SYT17: variants seen among roughly 807,000 people sequenced by gnomAD.
SYT17 encodes synaptotagmin 17.
In SYT17, 22 loss-of-function variants were observed where a neutral mutation model predicts 46.7. The observed-to-expected ratio is 0.47, with a 90% CI of 0.34 to 0.67. The LOEUF (loss-of-function observed/expected upper bound fraction) is 0.67. Ranked by LOEUF, SYT17 falls within the 30% of genes least tolerant of loss-of-function variation. SYT17 has a pLI of 0.01. For missense variants in SYT17, 519 were observed against 612.8 expected, an observed-to-expected ratio of 0.85 and a Z score of 1.62; for synonymous variants, 251 against 248.4, an observed-to-expected ratio of 1.01 and a Z score of -0.10.
At chr16:19,255,822 C>G (rs9924031) in intron 7 of SYT17, among the ~76,000 whole-genome samples, 108,262 of 152,082 alleles carry the variant, frequency 0.71, 39,659 homozygotes, top group East Asian at 0.99. Context: ...CTGCAGACCA[C>G]GACAAAGAGG....
chr16:19,204,976 C>G (rs943405050), intron 5 of SYT17, among the ~76,000 whole-genome samples: 1 of 152,148 alleles, frequency 6.6e-6, no homozygotes. Context: ...GCAAATCAGG[C>G]CAGCCCCATC....
chr16:19,171,851 A>G (rs1262758408), intron 1 of SYT17: 1 of 152,184 alleles, frequency 6.6e-6, no homozygotes, highest in African/African-American at 2.4e-5. Context: ...GACAAGATCT[A>G]CTTTCTTTGT....
intron 7 of SYT17, among the ~76,000 whole-genome samples, chr16:19,241,333 T>C (rs537778389): frequency 2.6e-5 from 4 of 151,208 alleles, no homozygotes; most frequent in African/African-American, 9.7e-5. Flanking sequence ...GGGTGGGGGA[T>C]TGGGGCTGGG....
intron 7 of SYT17, among the ~76,000 whole-genome samples, chr16:19,242,842 G>A (rs904717954): frequency 3.3e-5 from 5 of 152,090 alleles, no homozygotes; most frequent in African/African-American, 1.2e-4. Flanking sequence ...GATGGTGAGT[G>A]TTTATTGAAC....
chr16:19,171,873 G>C (rs1462900919), intron 1 of SYT17: 1 of 152,164 alleles, frequency 6.6e-6, no homozygotes, highest in Non-Finnish European at 1.5e-5. Flanking sequence ...TAAAAGAAAG[G>C]GGATGGGGGA....
At chr16:19,192,424 GA>G (rs1418479566) in intron 5 of SYT17, among the ~76,000 whole-genome samples, 3 of 150,080 alleles carry the variant, frequency 2.0e-5, no homozygotes, top group East Asian at 2.0e-4. Flanking sequence ...CTGTCTCATA[GA>G]AAAAAAAAGA....
chr16:19,264,680 TC>T (rs1969241494), intron 7 of SYT17, among the ~76,000 whole-genome samples: 1 of 151,624 alleles, frequency 6.6e-6, no homozygotes, highest in South Asian at 2.1e-4. Flanking sequence ...AGCCTTGACT[TC>T]CCTGGACTCA....
chr16:19,235,167 G>C (rs1474270277), intron 7 of SYT17, among the ~76,000 whole-genome samples: 1 of 152,162 alleles, frequency 6.6e-6, no homozygotes, highest in Non-Finnish European at 1.5e-5. Context: ...GCTACAGTAT[G>C]GGGAGTATTA....
At chr16:19,175,679 G>C (rs1964288802) in intron 3 of SYT17, among the ~76,000 whole-genome samples, 2 of 150,896 alleles carry the variant, frequency 1.3e-5, no homozygotes, top group Non-Finnish European at 3.0e-5. Flanking sequence ...GATTCTACTG[G>C]TCTATGTAGC....
chr16:19,181,581 G>T (rs933853420), intron 4 of SYT17, among the ~76,000 whole-genome samples: 3 of 152,178 alleles, frequency 2.0e-5, no homozygotes, highest in African/African-American at 7.2e-5. Context: ...GTCTAGAGCT[G>T]CGCTGTCTGG....
intron 5 of SYT17, among the ~76,000 whole-genome samples, chr16:19,218,711 G>C (rs1362416577): frequency 6.6e-6 from 1 of 152,174 alleles, no homozygotes; most frequent in Admixed American, 6.5e-5. Context: ...CCTCCTTCCA[G>C]TTCTGTGAAG....
At position 19,243,681 on chromosome 16, in the gene SYT17, G is replaced by A. The variant is rs150965751; in HGVS notation, c.1228+18843G>A. Among the ~76,000 whole-genome samples the A allele has an allele frequency of 3.9e-3, 597 of 152,022 alleles. 2 individuals carry two copies. Among genetic ancestry groups the A allele is most frequent in the Admixed American group, 7.9e-3 (120 of 15,268 alleles). On this transcript the variant is annotated intron_variant, in intron 7 of 7. Transcript: ENST00000355377. ...TAAAAATAGAAAATTAGCCAGGCAT[G>A]GTGACTCATGCCTGTAATCCCAGCT...
chr16:19,172,634 G>A, intron 1 of SYT17, 126 bp from the exon 2 acceptor site: 6 of 1,483,418 alleles, frequency 4.0e-6, no homozygotes, highest in Non-Finnish European at 5.4e-6. Context: ...AATATGCAGG[G>A]CTTTTTTTTT....
intron 5 of SYT17, among the ~76,000 whole-genome samples, chr16:19,217,137 A>G (rs1436800378): frequency 2.0e-5 from 3 of 152,194 alleles, no homozygotes; most frequent in Non-Finnish European, 4.4e-5. Context: ...ACCAGTGATG[A>G]TGAGCTTTTT....
chr16:19,219,763 C>G (rs1966238011), intron 5 of SYT17, among the ~76,000 whole-genome samples: 1 of 152,204 alleles, frequency 6.6e-6, no homozygotes, highest in African/African-American at 2.4e-5. Flanking sequence ...TCCATCCCCC[C>G]CACAGGAGTG....
At position 19,231,719 on chromosome 16, in the gene SYT17, G is replaced by C. The variant is rs959571552; in HGVS notation, c.1228+6881G>C. 4.6e-5 allele frequency among the ~76,000 whole-genome samples: 7 copies of C among 151,974 alleles called. 1 individual carries two copies. The highest frequency in any genetic ancestry group is 1.7e-4 in the African/African-American group (7 of 41,362). ...GGACCAGCTCCCTGGGGCTGGAGCT[G>C]ACCATGTGTCTGTCCTTACTGATTA... is the stretch of plus-strand genomic sequence containing the variant. On this transcript the variant is annotated intron_variant, in intron 7 of 7. Coordinates refer to ENST00000355377, the MANE Select transcript of SYT17 (RefSeq NM_016524.4).
At chr16:19,196,562 A>T (rs1048383183) in intron 5 of SYT17, among the ~76,000 whole-genome samples, 11 of 151,630 alleles carry the variant, frequency 7.3e-5, no homozygotes, top group Admixed American at 2.0e-4. Flanking sequence ...TTTTTTTTTT[A>T]AATGACTTTA....
chr16:19,178,633 A>G (rs190163275), intron 3 of SYT17, among the ~76,000 whole-genome samples: 2 of 152,266 alleles, frequency 1.3e-5, no homozygotes, highest in African/African-American at 4.8e-5. Context: ...GTCTCATCTC[A>G]TGCACAGGAT....
At chr16:19,264,971 T>G (rs1969264016) in intron 7 of SYT17, among the ~76,000 whole-genome samples, 1 of 152,164 alleles carries the variant, frequency 6.6e-6, no homozygotes, top group African/African-American at 2.4e-5. Context: ...TGCATTGTCA[T>G]TCTTGAGCTT....
Sources: allele counts gnomAD v4.1 joint callset (sites outside exome capture counted in the v4.1 genomes callset), GRCh38; gene constraint gnomAD v4.1.1; transcripts MANE v1.5; gene names NCBI Gene and HGNC (gene_info 2026-07-23, HGNC 2026-07-21).